The following ABCA5 variants were observed in gnomAD, a reference collection of about 807,000 sequenced individuals.
The protein encoded by ABCA5 is ATP binding cassette subfamily A member 5.
In ABCA5, 163 loss-of-function variants were observed where a neutral mutation model predicts 206.0. That is an observed-to-expected ratio of 0.79 (90% confidence interval 0.70 to 0.90). The LOEUF is 0.90. Ranked by LOEUF, ABCA5 falls within the 40% of genes least tolerant of loss-of-function variation. The pLI, the probability that ABCA5 is intolerant of heterozygous loss-of-function variation, is 0.00. For synonymous variants in ABCA5, 609 were observed against 613.8 expected, an observed-to-expected ratio of 0.99 and a Z score of 0.11; for missense variants, 1,859 against 1,912.9, an observed-to-expected ratio of 0.97 and a Z score of 0.53.
chr17:69,289,317 C>T, intron 13 of ABCA5, 21 bp from the exon 14 acceptor site: 1 of 1,490,824 alleles, frequency 6.7e-7, no homozygotes, highest in East Asian at 2.5e-5. Context: ...AAAGCATGAA[C>T]AATGTTATTT....
chr17:69,261,025 C>A, intron 26 of ABCA5, 100 bp downstream of exon 26: 1 of 956,490 alleles, frequency 1.0e-6, no homozygotes, highest in South Asian at 1.8e-5. Context: ...AGCCATTAGC[C>A]CAATGCATTT....
intron 13 of ABCA5, 68 bp downstream of exon 13, chr17:69,289,794 C>T: frequency 8.0e-7 from 1 of 1,249,416 alleles, no homozygotes; most frequent in South Asian, 1.4e-5. Context: ...ATTTTTATTG[C>T]ACAAGTCATT....
intron 1 of ABCA5, among the ~76,000 whole-genome samples, chr17:69,323,546 T>C (rs2075879790): frequency 6.6e-6 from 1 of 152,234 alleles, no homozygotes; most frequent in South Asian, 2.1e-4. Flanking sequence ...TGGAGCTGAT[T>C]ATCACTCCTT....
At chr17:69,288,860 G>GAATAAAAAAAACA (rs949692372) in intron 14 of ABCA5, among the ~76,000 whole-genome samples, 7 of 151,864 alleles carry the variant, frequency 4.6e-5, no homozygotes, top group African/African-American at 1.7e-4. Context: ...AGGGGGTGAG[G>GAATAAAAAAAACA]AATAAAAAAA....
intron 18 of ABCA5, among the ~76,000 whole-genome samples, chr17:69,279,755 C>A (rs943151171): frequency 7.2e-5 from 11 of 152,108 alleles, no homozygotes; most frequent in Non-Finnish European, 1.3e-4. Context: ...TGATCTTTGA[C>A]AAACCTGAGA....
At chr17:69,276,612 C>T (rs976067648) in intron 19 of ABCA5, among the ~76,000 whole-genome samples, 1 of 152,068 alleles carries the variant, frequency 6.6e-6, no homozygotes, top group African/African-American at 2.4e-5. Flanking sequence ...AACGAGAACA[C>T]ATGGACACAA....
chr17:69,259,613 T>A (rs2075122932), intron 28 of ABCA5, 93 bp downstream of exon 28: 1 of 818,470 alleles, frequency 1.2e-6, no homozygotes, highest in East Asian at 2.9e-5. Flanking sequence ...CTTTTTGGAG[T>A]GCTGGAAATG....
intron 5 of ABCA5, among the ~76,000 whole-genome samples, chr17:69,308,060 A>T (rs2075735987): frequency 6.6e-6 from 1 of 152,166 alleles, no homozygotes; most frequent in South Asian, 2.1e-4. Flanking sequence ...AGATTTTTAA[A>T]AATAAATTTC....
chr17:69,280,602 C>T (rs2075381964), intron 18 of ABCA5, among the ~76,000 whole-genome samples: 1 of 151,310 alleles, frequency 6.6e-6, no homozygotes, highest in African/African-American at 2.4e-5. Flanking sequence ...TATTGTGGCA[C>T]TATTCACAAT....
intron 24 of ABCA5, among the ~76,000 whole-genome samples, chr17:69,263,563 C>T (rs1035059936): frequency 3.3e-5 from 5 of 152,070 alleles, no homozygotes; most frequent in Non-Finnish European, 5.9e-5. Flanking sequence ...TTTCTGGGTC[C>T]TCCATTCTGT....
In ABCA5 at chr17:69,251,778, G is replaced by C; in HGVS notation, c.4504C>G (p.Arg1502Gly). ...TGCCCAGACACCATGATAGCTACTCGATCACAGACAGCCTCTGCCTCCTCC... is the reference window on the plus strand; with the variant it reads ...TGCCCAGACACCATGATAGCTACTCCATCACAGACAGCCTCTGCCTCCTCC... ...YMEEAEAVCD[R>G]VAIMVSGQLR... Residue 1502 changes from arginine (R) to glycine (G), a missense_variant, in exon 35 of 39, where the codon CGA becomes GGA. Coordinates refer to ENST00000392676, the MANE Select transcript of ABCA5 (RefSeq NM_172232.4). 1 of 1,613,914 alleles carries C rather than the reference G, an allele frequency of 6.2e-7. No homozygotes were observed. Among genetic ancestry groups the C allele is most frequent in the Non-Finnish European group, 8.5e-7 (1 of 1,179,968 alleles).
At chr17:69,266,564 T>C (rs541563456) in intron 23 of ABCA5, among the ~76,000 whole-genome samples, 94 of 144,528 alleles carry the variant, frequency 6.5e-4, no homozygotes, top group African/African-American at 2.3e-3. Context: ...ACTTAAAGTA[T>C]AATAAAAATA....
At position 69,302,723 on chromosome 17, in the gene ABCA5, C is replaced by A; in HGVS notation, c.1114G>T (p.Ala372Ser). Residue 372 changes from alanine (A) to serine (S), a missense_variant, in exon 8 of 39, where the codon GCA becomes TCA. By Grantham distance (99) the Ala-to-Ser change is moderately conservative. Transcript: ENST00000392676. Reference protein sequence around the residue: ...FCHCTFVIGIAQVMHLEDFNE... With the variant: ...FCHCTFVIGISQVMHLEDFNE... Reference sequence around the variant, plus strand: ...AAGATTAATATATTACCTACCTGTGCAATACCAATCACAAAAGTACAGTGA... The same window carrying A: ...AAGATTAATATATTACCTACCTGTGAAATACCAATCACAAAAGTACAGTGA... 1 of 1,557,804 alleles carries A rather than the reference C, an allele frequency of 6.4e-7. No homozygotes were observed.
chr17:69,277,352 G>T (rs550878172), intron 19 of ABCA5, among the ~76,000 whole-genome samples: 2 of 152,124 alleles, frequency 1.3e-5, no homozygotes, highest in South Asian at 4.2e-4. Flanking sequence ...CCAGGTGAAA[G>T]AAAGAAAAAG....
chr17:69,273,823 T>A (rs1055944881), intron 20 of ABCA5, 136 bp downstream of exon 20: 2 of 821,278 alleles, frequency 2.4e-6, no homozygotes, highest in Non-Finnish European at 3.6e-6. Flanking sequence ...AAGATACGTA[T>A]TGAACTATAA....
rs1212081749 is a variant in ABCA5 at position 69,302,897 on chromosome 17, C to A, written c.940G>T (p.Ala314Ser). The A allele has an allele frequency of 2.7e-6, 4 of 1,490,016 alleles. No individual in the cohort carries two copies. Among genetic ancestry groups the A allele is most frequent in the Non-Finnish European group, 3.6e-6 (4 of 1,112,104 alleles). 92.3% of individuals were successfully genotyped at this position (1,490,016 alleles called of 1,614,324 possible). ...TTAAAAAGAGGTGTCAGCATTAAAG[C>A]AAAAAATACCTATAAAATACAAATA... ...FLYGLSSVFF[A>S]LMLTPLFKKS... is the part of the protein sequence containing the mutation. The change falls in exon 8 of 39, where the codon GCT becomes TCT. Residue 314 changes from alanine to serine, a missense_variant. Ala to Ser is a moderately conservative substitution (Grantham distance 99). Transcript: ENST00000392676.
At chr17:69,265,714 G>A (rs1474273173) in intron 23 of ABCA5, among the ~76,000 whole-genome samples, 1 of 152,032 alleles carries the variant, frequency 6.6e-6, no homozygotes, top group Non-Finnish European at 1.5e-5. Flanking sequence ...CAAGTTTTCT[G>A]TTCAATGAAT....
chr17:69,283,070 T>C (rs1018647565), intron 18 of ABCA5, among the ~76,000 whole-genome samples: 1 of 150,078 alleles, frequency 6.7e-6, no homozygotes, highest in Non-Finnish European at 1.5e-5. Flanking sequence ...CACTGCAGCC[T>C]TGACCTCCTG....
Position 69,287,700 on chromosome 17 carries a change from T to C in ABCA5, c.1954A>G (p.Ile652Val). The stretch of plus-strand genomic sequence containing the variant: ...CTGTATTTTAAAAGATTCCATACAA[T>C]ATGTCGAGAACAGGGGTCCATTCCA... ...TAGMDPCSRH[I>V]VWNLLKYRKA... Residue 652 changes from isoleucine (I) to valine (V), a missense_variant, in exon 15 of 39, where the codon ATT (isoleucine) becomes GTT (valine). Transcript: ENST00000392676. 6.2e-7 allele frequency: 1 copy of C among 1,613,908 alleles called. No individual in the cohort carries two copies. The highest frequency in any genetic ancestry group is 1.1e-5 in the South Asian group (1 of 91,068).
Sources: allele counts gnomAD v4.1 joint callset (sites outside exome capture counted in the v4.1 genomes callset), GRCh38; gene constraint gnomAD v4.1.1; transcripts MANE v1.5; gene names NCBI Gene and HGNC (gene_info 2026-07-23, HGNC 2026-07-21).